Variants in D2HGDH observed in about 807,000 individuals in gnomAD.
D2HGDH encodes D-2-hydroxyglutarate dehydrogenase.
Under a neutral mutation model 46.9 loss-of-function variants are expected in D2HGDH, and 31 were observed. The ratio of observed to expected loss-of-function variants is 0.66; its 90% CI spans 0.50 to 0.89. The LOEUF (loss-of-function observed/expected upper bound fraction) is 0.89. D2HGDH is among the 40% of genes least tolerant of loss of function. The pLI is 0.00. For synonymous variants in D2HGDH, 364 were observed against 332.6 expected (o/e 1.09, Z -1.03); for missense variants, 698 against 720.8 (o/e 0.97, Z 0.36).
chr2:241,767,447 G>C (rs1167960222), intron 9 of D2HGDH, among the ~76,000 whole-genome samples: 3 of 105,350 alleles, frequency 2.8e-5, no homozygotes, highest in African/African-American at 4.1e-5. Context: ...TAGGAAGAGG[G>C]GGGAGAAGTT....
At chr2:241,746,301 G>A (rs1695843819) in intron 6 of D2HGDH, among the ~76,000 whole-genome samples, 1 of 152,060 alleles carries the variant, frequency 6.6e-6, no homozygotes, top group Admixed American at 6.5e-5. Context: ...GCCCTCTTCT[G>A]CTGTGTTTTA....
chr2:241,740,451 C>T (rs567021276), intron 2 of D2HGDH, among the ~76,000 whole-genome samples: 2 of 152,338 alleles, frequency 1.3e-5, no homozygotes, highest in South Asian at 4.2e-4. Flanking sequence ...GGACTCTCAT[C>T]CATGGGCCCA....
intron 2 of D2HGDH, 110 bp downstream of exon 2, chr2:241,735,626 TG>T: frequency 6.8e-7 from 1 of 1,461,420 alleles, no homozygotes; most frequent in South Asian, 1.2e-5. Context: ...TGCCAGCCCC[TG>T]GCTGCGCTGA....
intron 8 of D2HGDH, chr2:241,755,090 C>T: frequency 1.5e-6 from 2 of 1,303,964 alleles, no homozygotes; most frequent in Non-Finnish European, 2.0e-6. Context: ...ACGCAAACCA[C>T]AGGCCGATCT....
In D2HGDH at chr2:241,755,456, G is replaced by A. The variant is rs573954121; in HGVS notation, c.1141-393G>A. The A allele has an allele frequency of 1.4e-5, 19 of 1,314,952 alleles. No individual in the cohort carries two copies. The East Asian group carries it at 1.6e-4, about 11-fold the overall frequency. 81.5% of individuals were successfully genotyped at this position (1,314,952 alleles called of 1,614,324 possible). On this transcript the variant is annotated intron_variant, in intron 8 of 9. Coordinates refer to ENST00000321264, the MANE Select transcript of D2HGDH (RefSeq NM_152783.5). ...TCCCTGGCCCTTGCCACTCTGTGCC[G>A]TGTCATGACCTGAAGCTGCAGGTGG...
chr2:241,734,871 C>T (rs1692299170), intron 1 of D2HGDH, 176 bp downstream of exon 1: 1 of 241,468 alleles, frequency 4.1e-6, no homozygotes, highest in Non-Finnish European at 8.0e-6. Flanking sequence ...CGCGCGTCCG[C>T]GGGATCCCCT....
At chr2:241,759,081 G>A (rs750219168) in intron 9 of D2HGDH, among the ~76,000 whole-genome samples, 3 of 152,102 alleles carry the variant, frequency 2.0e-5, no homozygotes, top group East Asian at 1.9e-4. Flanking sequence ...AGGAAACTTC[G>A]TCCTTATCAG....
rs1375550953 is a variant in D2HGDH, at chr2:241,743,944, C to A, written c.684+129C>A. 9.4e-7 allele frequency: 1 copy of A among 1,061,622 alleles called. No homozygotes were observed. Among genetic ancestry groups the A allele is most frequent in the Non-Finnish European group, 1.4e-6 (1 of 729,672 alleles). 65.8% of individuals were successfully genotyped at this position (1,061,622 alleles called of 1,614,324 possible). On this transcript the variant is annotated intron_variant, in intron 5 of 9. Transcript: ENST00000321264. This position sits in a 1 kb window ranked among gnomAD's most constrained non-coding sequence, Gnocchi z 4.8. Reference sequence around the variant, plus strand: ...GGAGGTCTTGGTTCCTGGCCCTGGGCCCCTCAAGGATGTGTGGGCTACATA... The same window carrying A: ...GGAGGTCTTGGTTCCTGGCCCTGGGACCCTCAAGGATGTGTGGGCTACATA...
At chr2:241,758,599 C>A (rs1206093578) in intron 9 of D2HGDH, among the ~76,000 whole-genome samples, 1 of 152,052 alleles carries the variant, frequency 6.6e-6, no homozygotes, top group Admixed American at 6.6e-5. Flanking sequence ...CACCAGCAGG[C>A]CTGGCTAACT....
In D2HGDH at chr2:241,744,978, C is replaced by G. The variant is rs1695473379; in HGVS notation, c.853+101C>G. 7.7e-6 allele frequency: 11 copies of G among 1,421,546 alleles called. No homozygotes were observed. In the South Asian group the frequency reaches 8.5e-5, roughly 11 times the overall value. The allele number at this position is 1,421,546 out of a possible 1,614,324, so 88.1% of individuals were successfully genotyped here. A position where few individuals can be genotyped will look rare whatever the true frequency, so the allele number is the denominator to read the frequency against. Reference sequence around the variant, plus strand: ...TGAGGAAGGGGATGGAGGGACCCCCCGCCAAGGACAGTCGGTTCCCGTGTC... The same window carrying G: ...TGAGGAAGGGGATGGAGGGACCCCCGGCCAAGGACAGTCGGTTCCCGTGTC... On this transcript the variant is annotated intron_variant, in intron 6 of 9. Transcript: ENST00000321264.
Position 241,755,222 on chromosome 2 carries a change from C to T in D2HGDH, c.1141-627C>T, listed in dbSNP as rs533587655. ...CCCTCCTCCTCCACGGCCCGCCCAC[C>T]GTGTCCTTCCCTCCCCCGTGGCCCA... On this transcript the variant is annotated intron_variant, in intron 8 of 9. Transcript: ENST00000321264. The T allele has an allele frequency of 9.9e-5, 127 of 1,287,022 alleles. No individual in the cohort carries two copies. In the East Asian group the frequency reaches 1.2e-3, roughly 12 times the overall value. 79.7% of individuals were successfully genotyped at this position (1,287,022 alleles called of 1,614,324 possible).
chr2:241,742,494 G>A lies in D2HGDH; in HGVS notation c.410G>A (p.Gly137Asp), dbSNP rs1338432902. The stretch of plus-strand genomic sequence containing the variant: ...CAGGGGGGCAACACAGGCATGGTGG[G>A]TGGCAGCGTCCCCGTCTTTGACGAG... ...NPQGGNTGMV[G>D]GSVPVFDEII... The change falls in exon 4 of 10, where the codon GGT becomes GAT. Residue 137 changes from glycine (G) to aspartate (D), a missense_variant. Gly to Asp is a moderately conservative substitution (Grantham distance 94). Transcript: ENST00000321264. This position sits in a 1 kb window ranked among gnomAD's most constrained non-coding sequence, Gnocchi z 4.8. The A allele has an allele frequency of 2.5e-6, 4 of 1,613,948 alleles. No individual in the cohort carries two copies. The African/African-American group carries it at 5.3e-5, about 22-fold the overall frequency.
rs145856086 is a variant in D2HGDH, at chr2:241,755,729, C to T, written c.1141-120C>T. On this transcript the variant is annotated intron_variant, in intron 8 of 9. Coordinates refer to ENST00000321264, the MANE Select transcript of D2HGDH (RefSeq NM_152783.5). The stretch of plus-strand genomic sequence containing the variant: ...GTCTGGGGCATTTGCTGTCCGGGGT[C>T]GGAGCCTCACCTGGTGAAGATACAG... 3.1e-4 allele frequency: 495 copies of T among 1,590,760 alleles called. 1 individual carries two copies. In the East Asian group the frequency reaches 8.8e-3, roughly 28 times the overall value.
Position 241,742,877 on chromosome 2 carries a change from C to CGTG in D2HGDH, c.490+303_490+304insGTG. On this transcript the variant is annotated intron_variant, in intron 4 of 9. Transcript: ENST00000321264. This position sits in a 1 kb window ranked among gnomAD's most constrained non-coding sequence, Gnocchi z 4.8. ...ACCCAGGGTGCCAGGGCGTGGCAGG[C>CGTG]ATGAGGGGATCCTGACCCAGGGCGC... Among the ~76,000 whole-genome samples the CGTG allele has an allele frequency of 6.7e-6, 1 of 148,482 alleles. No individual in the cohort carries two copies. Among genetic ancestry groups the CGTG allele is most frequent in the African/African-American group, 2.5e-5 (1 of 39,620 alleles).
intron 6 of D2HGDH, 101 bp downstream of exon 6, chr2:241,744,978 C>CCA: frequency 7.0e-7 from 1 of 1,421,546 alleles, no homozygotes; most frequent in Non-Finnish European, 9.7e-7. Context: ...AGGGACCCCC[C>CCA]GCCAAGGACA....
chr2:241,745,988 T>C (rs1444048750), intron 6 of D2HGDH, among the ~76,000 whole-genome samples: 1 of 152,220 alleles, frequency 6.6e-6, no homozygotes, highest in Non-Finnish European at 1.5e-5. Flanking sequence ...TTAAAGATCA[T>C]TCTTTCTGAT....
At chr2:241,750,378 GTGGGC>G (rs2125136019) in intron 7 of D2HGDH, 84 bp downstream of exon 7, 7 of 1,550,132 alleles carry the variant, frequency 4.5e-6, no homozygotes, top group Admixed American at 1.7e-5. Context: ...GAGACCCCGG[GTGGGC>G]GGGGGGTGCC....
intron 7 of D2HGDH, 48 bp downstream of exon 7, chr2:241,750,342 C>T: frequency 2.6e-6 from 4 of 1,550,308 alleles, no homozygotes; most frequent in Non-Finnish European, 3.5e-6. Flanking sequence ...GCTCCTTCTG[C>T]ACGTCTGGAC....
intron 6 of D2HGDH, among the ~76,000 whole-genome samples, chr2:241,748,554 C>T (rs758928993): frequency 3.3e-5 from 5 of 152,238 alleles, no homozygotes; most frequent in African/African-American, 4.8e-5. Flanking sequence ...AGGCCTTGCC[C>T]GCTTCACTGG....
Sources: gnomAD v4.1 joint callset for allele counts (sites outside exome capture counted in the v4.1 genomes callset) on GRCh38, gnomAD v4.1.1 for gene constraint, Gnocchi (gnomAD v3.1) non-coding constraint, MANE v1.5 for transcripts, NCBI Gene and HGNC (gene_info 2026-07-23, HGNC 2026-07-21) for gene names.